The following RMDN2 variants were observed in gnomAD, a reference collection of about 807,000 sequenced individuals.
RMDN2 encodes the protein regulator of microtubule dynamics protein 2.
In RMDN2, 61 loss-of-function variants were observed where a neutral mutation model predicts 52.8. The observed-to-expected ratio is 1.16, with a 90% CI of 0.94 to 1.43. RMDN2 has a LOEUF of 1.43. Among genes scored for constraint, RMDN2 ranks in the 40% most tolerant of loss-of-function variants. The probability of loss-of-function intolerance (pLI) is 0.00; values close to 1 mark genes in which losing one functional copy is unlikely to be tolerated. For synonymous variants in RMDN2, 180 were observed against 153.1 expected (o/e 1.18, Z -1.30); for missense variants, 592 against 475.3 (o/e 1.25, Z -2.28).
At chr2:37,979,966 CTTT>C (rs946077648) in intron 4 of RMDN2, among the ~76,000 whole-genome samples, 8 of 152,064 alleles carry the variant, frequency 5.3e-5, no homozygotes, top group Admixed American at 1.3e-4. Context: ...AAATGCTTCA[CTTT>C]TTAATTGTTT....
chr2:37,967,760 T>TA (rs1671257928), intron 2 of RMDN2, among the ~76,000 whole-genome samples: 1 of 152,220 alleles, frequency 6.6e-6, no homozygotes, highest in Admixed American at 6.5e-5. Context: ...GCTTCCACCT[T>TA]AGAGTCCTCA....
chr2:37,964,669 A>G (rs200742828), intron 2 of RMDN2, among the ~76,000 whole-genome samples: 3 of 152,120 alleles, frequency 2.0e-5, no homozygotes, highest in African/African-American at 7.2e-5. Flanking sequence ...TTTGGGTGGC[A>G]TGGTCTATAT....
intron 1 of RMDN2, among the ~76,000 whole-genome samples, chr2:37,925,640 A>T (rs1277413152): frequency 1.3e-5 from 2 of 152,134 alleles, no homozygotes; most frequent in Non-Finnish European, 2.9e-5. Context: ...TCCCTCGCTG[A>T]CCCTGCGCCA....
At chr2:37,958,578 C>T (rs751862648) in intron 2 of RMDN2, among the ~76,000 whole-genome samples, 21 of 150,672 alleles carry the variant, frequency 1.4e-4, no homozygotes, top group South Asian at 8.3e-4. Flanking sequence ...TTATGATATC[C>T]GCAAACAGAG....
At chr2:38,043,838 C>T (rs1322264172) in intron 10 of RMDN2, among the ~76,000 whole-genome samples, 10 of 151,954 alleles carry the variant, frequency 6.6e-5, no homozygotes, top group Admixed American at 5.9e-4. Context: ...TATCCATATG[C>T]CATAATCGCC....
At chr2:37,936,102 A>G (rs565557635) in intron 2 of RMDN2, among the ~76,000 whole-genome samples, 12 of 152,024 alleles carry the variant, frequency 7.9e-5, no homozygotes, top group East Asian at 1.9e-4. Context: ...CCCTGTGTCC[A>G]TGTGTTCTCA....
rs139717897 is a variant in RMDN2, at chr2:38,010,601, C to G, written c.1179+6385C>G. ...TGGGAGTGACCCGATCTTCCAGGTG[C>G]CGTTTGTCACCCCTTTCTTTGACTA... On this transcript the variant is annotated intron_variant, in intron 10 of 10. Coordinates refer to ENST00000354545, the MANE Select transcript of RMDN2 (RefSeq NM_001170791.3). Among the ~76,000 whole-genome samples, 319 of 152,298 alleles carry G rather than the reference C, an allele frequency of 2.1e-3. 2 individuals are homozygous for G. The highest frequency in any genetic ancestry group is 7.4e-3 in the African/African-American group (306 of 41,558).
chr2:37,968,506 G>A (rs1254096944), intron 2 of RMDN2, among the ~76,000 whole-genome samples: 2 of 151,276 alleles, frequency 1.3e-5, no homozygotes, highest in African/African-American at 4.9e-5. Flanking sequence ...GGGAAATGAG[G>A]ACCTATTTCA....
chr2:37,962,542 C>A (rs1423569134), intron 2 of RMDN2, among the ~76,000 whole-genome samples: 1 of 152,164 alleles, frequency 6.6e-6, no homozygotes, highest in Non-Finnish European at 1.5e-5. Context: ...GCCCCTCCCC[C>A]ACCAAGCTCA....
intron 7 of RMDN2, among the ~76,000 whole-genome samples, chr2:37,994,356 G>A (rs910649847): frequency 1.4e-4 from 21 of 152,208 alleles, no homozygotes; most frequent in African/African-American, 5.1e-4. Context: ...AACAGGACAA[G>A]CTAGAAATTT....
intron 2 of RMDN2, among the ~76,000 whole-genome samples, chr2:37,958,849 C>T (rs1297504242): frequency 6.6e-6 from 1 of 150,718 alleles, no homozygotes; most frequent in Non-Finnish European, 1.5e-5. Flanking sequence ...TAGCATGAAG[C>T]CGTGTTGAAT....
At chr2:38,008,127 T>G (rs1677389312) in intron 10 of RMDN2, among the ~76,000 whole-genome samples, 1 of 152,216 alleles carries the variant, frequency 6.6e-6, no homozygotes, top group Admixed American at 6.5e-5. Flanking sequence ...TACTTCCAAC[T>G]GTGTGGTCAA....
At chr2:37,940,239 G>A (rs1326472399) in intron 2 of RMDN2, among the ~76,000 whole-genome samples, 1 of 152,218 alleles carries the variant, frequency 6.6e-6, no homozygotes, top group African/African-American at 2.4e-5. Flanking sequence ...TAGAGTTTGT[G>A]CAGAGAGATT....
chr2:37,960,583 G>C (rs957492912), intron 2 of RMDN2, among the ~76,000 whole-genome samples: 1 of 152,060 alleles, frequency 6.6e-6, no homozygotes, highest in African/African-American at 2.4e-5. Flanking sequence ...AATGGGTCTT[G>C]ACTCTTTATC....
At chr2:37,985,016 T>C (rs374511375) in intron 5 of RMDN2, among the ~76,000 whole-genome samples, 22 of 152,102 alleles carry the variant, frequency 1.4e-4, no homozygotes, top group African/African-American at 5.3e-4. Context: ...TTTTAAACTT[T>C]AAAGAAGCAG....
At chr2:37,991,591 T>C (rs143429555) in intron 7 of RMDN2, among the ~76,000 whole-genome samples, 80 of 152,288 alleles carry the variant, frequency 5.3e-4, no homozygotes, top group African/African-American at 1.7e-3. Context: ...TCTTTTTCTT[T>C]CCTGCTTTTT....
intron 4 of RMDN2, among the ~76,000 whole-genome samples, chr2:37,975,608 A>T (rs1672365556): frequency 6.6e-6 from 1 of 152,160 alleles, no homozygotes; most frequent in African/African-American, 2.4e-5. Flanking sequence ...CCTAATGTAG[A>T]TGTCGGGTTG....
At chr2:37,945,857 C>T (rs1322006844) in intron 2 of RMDN2, among the ~76,000 whole-genome samples, 1 of 152,122 alleles carries the variant, frequency 6.6e-6, no homozygotes, top group Non-Finnish European at 1.5e-5. Flanking sequence ...CCTTACTCAT[C>T]CCCACTTAAG....
chr2:38,013,404 A>G (rs1678281104), intron 10 of RMDN2, among the ~76,000 whole-genome samples: 1 of 152,378 alleles, frequency 6.6e-6, no homozygotes, highest in African/African-American at 2.4e-5. Flanking sequence ...AAACAGACTC[A>G]TAGACTAGTA....
Sources: allele counts gnomAD v4.1 joint callset (sites outside exome capture counted in the v4.1 genomes callset), GRCh38; gene constraint gnomAD v4.1.1; transcripts MANE v1.5; gene names NCBI Gene and HGNC (gene_info 2026-07-23, HGNC 2026-07-21).